The following EVC variants were observed in gnomAD, a reference collection of about 807,000 sequenced individuals.
EVC encodes the protein EvC ciliary complex subunit 1.
Under a neutral mutation model 118.9 loss-of-function variants are expected in EVC, and 116 were observed. That is an observed-to-expected ratio of 0.98 (90% confidence interval 0.84 to 1.14). The LOEUF is 1.14. Among genes scored for constraint, EVC ranks in the 50% most tolerant of loss-of-function variants. The pLI is 0.00. For synonymous variants in EVC, 619 were observed against 534.7 expected (o/e 1.16, Z -2.18); for missense variants, 1,401 against 1,246.4 (o/e 1.12, Z -1.87).
At chr4:5,751,230 T>A (rs1465741171) in intron 8 of EVC, among the ~76,000 whole-genome samples, 1 of 152,224 alleles carries the variant, frequency 6.6e-6, no homozygotes, top group African/African-American at 2.4e-5. Context: ...TGTGCTCAGG[T>A]CCTGGGAGCC....
Position 5,754,082 on chromosome 4 carries a change from C to G in EVC, c.1464+149C>G, listed in dbSNP as rs1443463116. On this transcript the variant is annotated intron_variant, in intron 10 of 20. Transcript: ENST00000264956. The surrounding 1 kb of genome is among the most constrained non-coding windows in gnomAD (Gnocchi z 5.8). The stretch of plus-strand genomic sequence containing the variant: ...CAGCCGAGTGACCGAATCTCAGTCC[C>G]TTAGCCCCTACATCCCTAGGGTCCT... 1.9e-6 allele frequency: 2 copies of G among 1,038,848 alleles called. No individual in the cohort carries two copies. Among genetic ancestry groups the G allele is most frequent in the African/African-American group, 1.6e-5 (1 of 63,472 alleles). 64.4% of individuals were successfully genotyped at this position (1,038,848 alleles called of 1,614,324 possible).
rs2151936690 is a variant in EVC, at chr4:5,731,708, G to C, written c.617+51G>C. The C allele has an allele frequency of 6.6e-7, 1 of 1,514,992 alleles. No homozygotes were observed. Among genetic ancestry groups the C allele is most frequent in the South Asian group, 1.2e-5 (1 of 85,954 alleles). 93.8% of individuals were successfully genotyped at this position (1,514,992 alleles called of 1,614,324 possible). A position where few individuals can be genotyped will look rare whatever the true frequency, so the allele number is the denominator to read the frequency against. On this transcript the variant is annotated intron_variant, in intron 4 of 20. Coordinates refer to ENST00000264956, the MANE Select transcript of EVC (RefSeq NM_153717.3). This position sits in a 1 kb window ranked among gnomAD's most constrained non-coding sequence, Gnocchi z 5.6. ...GAGGCTTCCAGTCCTCTTGGAGTGG[G>C]CCGGGAGTCACATCATTGTCAGAGG...
chr4:5,753,811 G>C lies in EVC; in HGVS notation c.1342G>C (p.Val448Leu). 2 of 1,614,152 alleles carry C rather than the reference G, an allele frequency of 1.2e-6. No individual in the cohort carries two copies. Among genetic ancestry groups the C allele is most frequent in the Non-Finnish European group, 1.7e-6 (2 of 1,180,018 alleles). ...GTTTGTCCAGCGAGGCAAAGACCTGGTCACGGCGTCTCTGGCTCACCAGGT... is the reference window on the plus strand; with the variant it reads ...GTTTGTCCAGCGAGGCAAAGACCTGCTCACGGCGTCTCTGGCTCACCAGGT... ...REFVQRGKDL[V>L]TASLAHQVEG... The change falls in exon 10 of 21, where the codon GTC becomes CTC. Residue 448 changes from valine to leucine, a missense_variant. Physicochemically the swap from Val to Leu is conservative, Grantham distance 32 (BLOSUM62 1). Coordinates refer to ENST00000264956, the MANE Select transcript of EVC (RefSeq NM_153717.3).
intron 2 of EVC, among the ~76,000 whole-genome samples, chr4:5,725,420 C>T (rs1725652000): frequency 6.6e-6 from 1 of 152,196 alleles, no homozygotes; most frequent in South Asian, 2.1e-4. Context: ...ACCATTCTGA[C>T]TGGCATGAGA....
At chr4:5,736,905 G>A (rs556603923) in intron 5 of EVC, among the ~76,000 whole-genome samples, 73 of 152,222 alleles carry the variant, frequency 4.8e-4, no homozygotes, top group East Asian at 1.2e-3. Flanking sequence ...AAAGAGAGTC[G>A]CGTGTCTCTC....
the EVC span, chr4:5,821,681 G>T: frequency 7.3e-7 from 1 of 1,364,880 alleles, no homozygotes; most frequent in South Asian, 1.3e-5. This position sits in a 1 kb window ranked among gnomAD's most constrained non-coding sequence, Gnocchi z 4.4. Context: ...TAAAACTGTG[G>T]GTTTCAAAAA....
rs1297207052 is a variant in EVC at position 5,798,563 on chromosome 4, G to A, written c.2098-23G>A. On this transcript the variant is annotated intron_variant, in intron 14 of 20. Transcript: ENST00000264956. The surrounding 1 kb of genome is among the most constrained non-coding windows in gnomAD (Gnocchi z 4.1). The stretch of plus-strand genomic sequence containing the variant: ...TCTGTGAGAGGAGCACTTGGCCCCT[G>A]CTCCCAGTCCTTTCCCTCCCAGGAG... The A allele has an allele frequency of 1.3e-6, 2 of 1,550,458 alleles. No homozygotes were observed. The highest frequency in any genetic ancestry group is 4.9e-5 in the East Asian group (2 of 41,068).
At chr4:5,761,880 G>A (rs1261462128) in intron 11 of EVC, among the ~76,000 whole-genome samples, 2 of 151,598 alleles carry the variant, frequency 1.3e-5, no homozygotes, top group Non-Finnish European at 2.9e-5. Flanking sequence ...AGCCCCAACT[G>A]TTAATCAGTT....
the EVC span, among the ~76,000 whole-genome samples, chr4:5,827,733 G>GCACACACACACACACACA: frequency 4.5e-3 from 628 of 138,320 alleles, 1 homozygote; most frequent in African/African-American, 0.017. Context: ...ATGTGCGCGT[G>GCACACACACACACACACA]CACACACACA....
At chr4:5,822,682 A>G in the EVC span, among the ~76,000 whole-genome samples, 2 of 152,252 alleles carry the variant, frequency 1.3e-5, no homozygotes, top group Admixed American at 6.5e-5. Context: ...TGGGAAGGAT[A>G]GAGTCCTTAT....
the EVC span, chr4:5,824,778 A>T: frequency 1.0e-6 from 1 of 983,008 alleles, no homozygotes; most frequent in East Asian, 1.1e-4. Context: ...TGTGCAACCC[A>T]TGCAACGCCT....
rs577592265 is a variant in EVC, at chr4:5,785,650, A to G, written c.1776+1886A>G. On this transcript the variant is annotated intron_variant, in intron 12 of 20. Coordinates refer to ENST00000264956, the MANE Select transcript of EVC (RefSeq NM_153717.3). Reference sequence around the variant, plus strand: ...CGTAGGTGACTTGTCTGTCTCCTGCATTTGGCTATGAGTTCCTTGAGGACG... The same window carrying G: ...CGTAGGTGACTTGTCTGTCTCCTGCGTTTGGCTATGAGTTCCTTGAGGACG... Among the ~76,000 whole-genome samples the G allele has an allele frequency of 3.4e-4, 52 of 152,280 alleles. 1 individual carries two copies. In the South Asian group the frequency reaches 0.011, roughly 31 times the overall value.
intron 12 of EVC, among the ~76,000 whole-genome samples, chr4:5,791,741 C>G (rs1014582534): frequency 6.6e-6 from 1 of 152,078 alleles, no homozygotes; most frequent in Non-Finnish European, 1.5e-5. Context: ...GATGAGGCCC[C>G]TCTGTTACAT....
intron 1 of EVC, among the ~76,000 whole-genome samples, chr4:5,717,363 G>A (rs972637729): frequency 1.3e-5 from 2 of 151,864 alleles, no homozygotes; most frequent in African/African-American, 2.4e-5. Flanking sequence ...TGTGTAGTGC[G>A]TTCCCTGCTT....
In EVC at chr4:5,798,727, G is replaced by T; in HGVS notation, c.2239G>T (p.Ala747Ser). 2.5e-6 allele frequency: 4 copies of T among 1,610,992 alleles called. No homozygotes were observed. Among genetic ancestry groups the T allele is most frequent in the Non-Finnish European group, 3.4e-6 (4 of 1,179,890 alleles). ...GCACATGGAGTGCGCCATTGGGCAG[G>T]CGCTGCTGGTGCATGCACGGAATGC... ...QQHMECAIGQ[A>S]LLVHARNAAT... The change falls in exon 15 of 21, where the codon GCG becomes TCG. Residue 747 changes from alanine to serine, a missense_variant. By Grantham distance (99) the Ala-to-Ser change is moderately conservative. Transcript: ENST00000264956. This position sits in a 1 kb window ranked among gnomAD's most constrained non-coding sequence, Gnocchi z 4.1.
chr4:5,725,590 G>GT (rs1218774920), intron 2 of EVC, among the ~76,000 whole-genome samples: 4 of 152,128 alleles, frequency 2.6e-5, no homozygotes, highest in Non-Finnish European at 5.9e-5. Context: ...TTGTAAATTT[G>GT]TTTAAGTTCC....
rs1171081802 is a variant in EVC, at chr4:5,729,510, G to A, written c.384+120G>A. The A allele has an allele frequency of 4.2e-6, 4 of 963,090 alleles. No individual in the cohort carries two copies. In the East Asian group the frequency reaches 9.9e-5, roughly 24 times the overall value. The allele number at this position is 963,090 out of a possible 1,614,324, so 59.7% of individuals were successfully genotyped here. ...GTCCTGTTTGAGGGTTTTATGGCAAGTCATTTTAGTAGGGATAGTTTTGAG... is the reference window on the plus strand; with the variant it reads ...GTCCTGTTTGAGGGTTTTATGGCAAATCATTTTAGTAGGGATAGTTTTGAG... On this transcript the variant is annotated intron_variant, in intron 3 of 20. Coordinates refer to ENST00000264956, the MANE Select transcript of EVC (RefSeq NM_153717.3).
At position 5,768,578 on chromosome 4, in the gene EVC, TG is replaced by T. The variant is rs748475262; in HGVS notation, c.1563+12219del. ...CTGATACTCAAAATGTATTCTCGGC[TG>T]GGCACAGTGGCTCACACCTGTGATC... On this transcript the variant is annotated intron_variant, in intron 11 of 20. Coordinates refer to ENST00000264956, the MANE Select transcript of EVC (RefSeq NM_153717.3). Among the ~76,000 whole-genome samples the T allele has an allele frequency of 4.6e-5, 7 of 152,246 alleles. No individual in the cohort carries two copies. The East Asian group carries it at 1.2e-3, about 25-fold the overall frequency.
intron 11 of EVC, among the ~76,000 whole-genome samples, chr4:5,781,782 A>G (rs1735636058): frequency 6.6e-6 from 1 of 152,150 alleles, no homozygotes; most frequent in African/African-American, 2.4e-5. Flanking sequence ...CGAGGGTGTG[A>G]TCACGCCCCT....
Sources: allele counts gnomAD v4.1 joint callset (sites outside exome capture counted in the v4.1 genomes callset), GRCh38; gene constraint gnomAD v4.1.1; non-coding constraint Gnocchi (gnomAD v3.1); transcripts MANE v1.5; gene names NCBI Gene and HGNC (gene_info 2026-07-23, HGNC 2026-07-21).